C10orf67: variants seen among roughly 807,000 people sequenced by gnomAD.
The protein encoded by C10orf67 is uncharacterized protein C10orf67, mitochondrial.
In C10orf67, 60 loss-of-function variants were observed where a neutral mutation model predicts 35.6. The ratio of observed to expected loss-of-function variants is 1.68; its 90% CI spans 1.37 to 2.09. The LOEUF is 2.09. C10orf67 is among the 30% of genes most tolerant of loss of function. The pLI is 0.00. For synonymous variants in C10orf67, 167 were observed against 115.8 expected (o/e 1.44, Z -2.84); for missense variants, 474 against 330.2 (o/e 1.44, Z -3.38).
chr10:23,246,814 A>G (rs1038203170), intron 12 of C10orf67, among the ~76,000 whole-genome samples: 2 of 152,190 alleles, frequency 1.3e-5, no homozygotes, highest in African/African-American at 4.8e-5. Flanking sequence ...GAATAAGAAT[A>G]TAAAGGAAAA....
At chr10:23,225,705 G>T (rs1342715353) in intron 13 of C10orf67, among the ~76,000 whole-genome samples, 1 of 152,072 alleles carries the variant, frequency 6.6e-6, no homozygotes, top group African/African-American at 2.4e-5. Flanking sequence ...ACAAAAAAAG[G>T]CAAGGGTTGC....
intron 7 of C10orf67, among the ~76,000 whole-genome samples, chr10:23,289,066 G>C (rs1244421398): frequency 1.3e-5 from 2 of 152,144 alleles, no homozygotes; most frequent in African/African-American, 2.4e-5. Context: ...GAACAGAGTA[G>C]GGAAGCCCCA....
chr10:23,217,273 C>T (rs1386449691), intron 15 of C10orf67, among the ~76,000 whole-genome samples: 3 of 152,046 alleles, frequency 2.0e-5, no homozygotes, highest in East Asian at 1.9e-4. Context: ...TTTCTGATCT[C>T]GGTTTATTCC....
chr10:23,286,349 T>C (rs1391710544), intron 7 of C10orf67, among the ~76,000 whole-genome samples: 1 of 132,604 alleles, frequency 7.5e-6, no homozygotes, highest in Non-Finnish European at 1.6e-5. Context: ...AAGTGAGATA[T>C]TATTGTACCA....
intron 2 of C10orf67, among the ~76,000 whole-genome samples, chr10:23,332,375 G>A (rs1845521587): frequency 6.6e-6 from 1 of 152,060 alleles, no homozygotes; most frequent in Non-Finnish European, 1.5e-5. Context: ...GCAATACTAT[G>A]CTCCTTTACA....
chr10:23,205,702 T>G (rs1414757116), intron 15 of C10orf67, among the ~76,000 whole-genome samples: 4 of 152,148 alleles, frequency 2.6e-5, no homozygotes, highest in Non-Finnish European at 4.4e-5. Flanking sequence ...ATACAACCCA[T>G]TAACAAAGAT....
intron 13 of C10orf67, 27 bp downstream of exon 13, chr10:23,239,702 C>A: frequency 1.6e-6 from 1 of 619,894 alleles, no homozygotes; most frequent in East Asian, 2.8e-5. Context: ...AAGAGACAAA[C>A]AGCATCTAAA....
intron 13 of C10orf67, among the ~76,000 whole-genome samples, chr10:23,236,073 C>T (rs1288328293): frequency 6.6e-6 from 1 of 151,824 alleles, no homozygotes; most frequent in Non-Finnish European, 1.5e-5. Context: ...ACAGTGAAAC[C>T]CCGTCTCTAC....
At chr10:23,339,744 A>G (rs1043201541) in intron 1 of C10orf67, among the ~76,000 whole-genome samples, 10 of 152,232 alleles carry the variant, frequency 6.6e-5, no homozygotes, top group African/African-American at 2.4e-4. Context: ...GTCTTCTTTT[A>G]CCACCTTACT....
At chr10:23,255,322 C>T (rs145757034) in intron 10 of C10orf67, among the ~76,000 whole-genome samples, 609 of 152,302 alleles carry the variant, frequency 4.0e-3, no homozygotes, top group African/African-American at 0.014. Flanking sequence ...GCAAATCTTT[C>T]AAAAACAGGA....
intron 5 of C10orf67, among the ~76,000 whole-genome samples, chr10:23,291,927 T>C (rs1843729883): frequency 6.6e-6 from 1 of 152,182 alleles, no homozygotes; most frequent in Non-Finnish European, 1.5e-5. Context: ...ACACGGGGTC[T>C]GTGCAGGCGT....
intron 10 of C10orf67, among the ~76,000 whole-genome samples, chr10:23,262,741 A>G (rs745343383): frequency 2.0e-5 from 3 of 152,244 alleles, no homozygotes; most frequent in Non-Finnish European, 2.9e-5. Flanking sequence ...TTCCAAATAT[A>G]CCAAAGGTAT....
chr10:23,247,716 T>C (rs1457600605), intron 12 of C10orf67, among the ~76,000 whole-genome samples: 5 of 151,988 alleles, frequency 3.3e-5, no homozygotes, highest in African/African-American at 1.2e-4. Flanking sequence ...AAATTGAAAA[T>C]TGGAATAGCC....
chr10:23,305,074 G>A (rs1844224991), intron 4 of C10orf67, among the ~76,000 whole-genome samples: 1 of 152,150 alleles, frequency 6.6e-6, no homozygotes, highest in African/African-American at 2.4e-5. Flanking sequence ...AAACCAGTCT[G>A]TAATGACTGG....
intron 4 of C10orf67, chr10:23,319,053 A>G (rs549946746): frequency 9.0e-6 from 6 of 663,498 alleles, no homozygotes; most frequent in Admixed American, 9.0e-5. Context: ...GGTTTATTAC[A>G]TGGGTAAATT....
chr10:23,309,375 C>T (rs1481762754), intron 4 of C10orf67, among the ~76,000 whole-genome samples: 3 of 152,076 alleles, frequency 2.0e-5, no homozygotes, highest in African/African-American at 4.8e-5. Context: ...ATAATGGACA[C>T]TGGGGACTCC....
At chr10:23,309,526 C>A (rs1341448548) in intron 4 of C10orf67, among the ~76,000 whole-genome samples, 1 of 152,050 alleles carries the variant, frequency 6.6e-6, no homozygotes, top group Non-Finnish European at 1.5e-5. Flanking sequence ...GCACATATAC[C>A]CTCTGAATCT....
chr10:23,205,915 A>G (rs746463020), intron 15 of C10orf67, among the ~76,000 whole-genome samples: 35 of 152,262 alleles, frequency 2.3e-4, no homozygotes, highest in Non-Finnish European at 4.1e-4. Flanking sequence ...GACTAATGAC[A>G]TTTCACAGGT....
chr10:23,225,544 T>C (rs183702253), intron 13 of C10orf67, among the ~76,000 whole-genome samples: 475 of 152,284 alleles, frequency 3.1e-3, no homozygotes, highest in Non-Finnish European at 5.0e-3. Flanking sequence ...GTAAATGGGC[T>C]AAATGCTCCA....
Sources: gnomAD v4.1 joint callset for allele counts (sites outside exome capture counted in the v4.1 genomes callset) on GRCh38, gnomAD v4.1.1 for gene constraint, MANE v1.5 for transcripts, NCBI Gene and HGNC (gene_info 2026-07-23, HGNC 2026-07-21) for gene names.